Variants in NUP210 observed in about 807,000 individuals in gnomAD.
NUP210 encodes the protein nuclear pore membrane glycoprotein 210.
In NUP210, 151 loss-of-function variants were observed where a neutral mutation model predicts 196.0. The observed-to-expected ratio is 0.77, with a 90% CI of 0.67 to 0.88. The LOEUF (loss-of-function observed/expected upper bound fraction) is 0.88. Among genes scored for constraint, NUP210 ranks in the 40% least tolerant of loss-of-function variants. The probability of loss-of-function intolerance (pLI) is 0.00; values close to 1 mark genes in which losing one functional copy is unlikely to be tolerated. For missense variants in NUP210, 2,314 were observed against 2,493.7 expected, an observed-to-expected ratio of 0.93 and a Z score of 1.53; for synonymous variants, 1,070 against 1,052.7, an observed-to-expected ratio of 1.02 and a Z score of -0.32.
At chr3:13,341,222 C>T (rs1382517423) in intron 23 of NUP210, 5 of 153,742 alleles carry the variant, frequency 3.3e-5, no homozygotes, top group African/African-American at 9.6e-5. Context: ...CGAGACAGCC[C>T]CATACCACAC....
intron 33 of NUP210, 104 bp downstream of exon 33, chr3:13,325,691 G>C: frequency 1.4e-6 from 2 of 1,398,060 alleles, no homozygotes; most frequent in Non-Finnish European, 2.0e-6. Flanking sequence ...CAACCCCTCA[G>C]ACGGCTTTTC....
In NUP210 at chr3:13,353,638, G is replaced by A. The variant is rs374693661; in HGVS notation, c.2544C>T (p.His848=). ...TGATGGCTGTGGTTCCTGATGCCTCGTGAACCAAAATGGCCTGCAAACCTG... is the reference window on the plus strand; with the variant it reads ...TGATGGCTGTGGTTCCTGATGCCTCATGAACCAAAATGGCCTGCAAACCTG... ...KLHGLQAILV[H]EASGTTAITA... is the part of the protein sequence containing the mutation. Residue 848 remains histidine (H), a synonymous_variant, in exon 18 of 40, where the codon CAC becomes CAT. Coordinates refer to ENST00000254508, the MANE Select transcript of NUP210 (RefSeq NM_024923.4). 168 of 1,613,884 alleles carry A rather than the reference G, an allele frequency of 1.0e-4. No individual in the cohort carries two copies. The highest frequency in any genetic ancestry group is 1.3e-4 in the Non-Finnish European group (159 of 1,179,944).
chr3:13,411,312 C>T (rs933554775), intron 1 of NUP210, among the ~76,000 whole-genome samples: 2 of 152,136 alleles, frequency 1.3e-5, no homozygotes, highest in Non-Finnish European at 2.9e-5. Context: ...AGAAGGGTGG[C>T]GCATTTCCCC....
At chr3:13,393,873 C>T (rs891896936) in intron 3 of NUP210, among the ~76,000 whole-genome samples, 11 of 152,194 alleles carry the variant, frequency 7.2e-5, no homozygotes, top group African/African-American at 2.7e-4. Flanking sequence ...AGAGGATCTA[C>T]CTCCCCTGTC....
chr3:13,371,703 GCCATTCCT>G (rs1698736706), intron 13 of NUP210, 123 bp downstream of exon 13: 4 of 804,760 alleles, frequency 5.0e-6, no homozygotes, highest in Non-Finnish European at 8.1e-6. Flanking sequence ...GGAGACAACT[GCCATTCCT>G]TATGTTGCAG....
intron 25 of NUP210, among the ~76,000 whole-genome samples, chr3:13,339,211 G>A (rs927568949): frequency 2.0e-5 from 3 of 152,182 alleles, no homozygotes; most frequent in East Asian, 1.9e-4. Context: ...CCTCTAGGGC[G>A]GTGCACTTGC....
chr3:13,357,515 T>C (rs527896314), intron 16 of NUP210, among the ~76,000 whole-genome samples: 3 of 152,182 alleles, frequency 2.0e-5, no homozygotes, highest in Non-Finnish European at 4.4e-5. Flanking sequence ...ACATGCTCCA[T>C]AAGTACATGC....
intron 6 of NUP210, among the ~76,000 whole-genome samples, chr3:13,384,313 CAGAGGG>C (rs1396643165): frequency 2.6e-5 from 4 of 152,196 alleles, no homozygotes; most frequent in African/African-American, 7.2e-5. Context: ...GGAGAAGCGG[CAGAGGG>C]AAATTCCAAT....
intron 1 of NUP210, among the ~76,000 whole-genome samples, chr3:13,412,231 C>CTTTTTTTTTTTTT (rs71066953): frequency 1.9e-5 from 2 of 104,790 alleles, no homozygotes; most frequent in African/African-American, 1.0e-4. Context: ...TTTTCCTTTT[C>CTTTTTTTTTTTTT]TTTTTTTTTT....
intron 20 of NUP210, chr3:13,346,973 G>A: frequency 1.0e-6 from 1 of 981,666 alleles, no homozygotes; most frequent in Non-Finnish European, 1.2e-6. Context: ...CCAAGGGCGA[G>A]GACTGGGGAC....
At chr3:13,338,477 C>A (rs981086145) in intron 25 of NUP210, among the ~76,000 whole-genome samples, 27 of 152,240 alleles carry the variant, frequency 1.8e-4, no homozygotes, top group African/African-American at 6.5e-4. Context: ...CTTAGACTCT[C>A]TGACGTGCTC....
intron 20 of NUP210, among the ~76,000 whole-genome samples, chr3:13,346,842 C>T (rs540528621): frequency 1.2e-4 from 19 of 152,200 alleles, no homozygotes; most frequent in Non-Finnish European, 2.4e-4. Flanking sequence ...CCTGATTACC[C>T]GCCCTCAAGG....
intron 36 of NUP210, among the ~76,000 whole-genome samples, chr3:13,320,441 G>A (rs1385263640): frequency 6.6e-6 from 1 of 152,064 alleles, no homozygotes; most frequent in Non-Finnish European, 1.5e-5. Context: ...AGACCAGCCT[G>A]GCTAACACGG....
intron 11 of NUP210, 70 bp downstream of exon 11, chr3:13,375,428 TAATAGA>T (rs1698866775): frequency 7.1e-7 from 1 of 1,407,918 alleles, no homozygotes; most frequent in African/African-American, 1.4e-5. Flanking sequence ...ATACTAAAAG[TAATAGA>T]ATGGACAAAA....
chr3:13,406,488 G>A (rs1384573469), intron 1 of NUP210, among the ~76,000 whole-genome samples: 6 of 152,184 alleles, frequency 3.9e-5, no homozygotes, highest in Non-Finnish European at 7.3e-5. Context: ...ACCGGGTCTG[G>A]AGACACAGCA....
intron 20 of NUP210, among the ~76,000 whole-genome samples, chr3:13,346,193 C>T (rs2280088): frequency 0.034 from 5,191 of 152,322 alleles, 123 homozygotes; most frequent in Middle Eastern, 0.075. Flanking sequence ...GGCTGGTGCA[C>T]AGCAGCTAAA....
At chr3:13,321,875 C>A in intron 35 of NUP210, 40 bp from the exon 36 acceptor site, 1 of 1,584,470 alleles carries the variant, frequency 6.3e-7, no homozygotes, top group Non-Finnish European at 8.6e-7. Flanking sequence ...CCCTCTCCTG[C>A]CCGTGCACTG....
intron 1 of NUP210, among the ~76,000 whole-genome samples, chr3:13,417,005 A>G (rs542277558): frequency 1.3e-5 from 2 of 152,360 alleles, no homozygotes; most frequent in African/African-American, 4.8e-5. Context: ...AATGTAATAT[A>G]CTTTATGGAA....
intron 2 of NUP210, among the ~76,000 whole-genome samples, chr3:13,398,284 A>G (rs1013483710): frequency 6.6e-6 from 1 of 152,212 alleles, no homozygotes. Flanking sequence ...TATTAAAAAT[A>G]CAAGAAAAAT....
Sources: gnomAD v4.1 joint callset for allele counts (sites outside exome capture counted in the v4.1 genomes callset) on GRCh38, gnomAD v4.1.1 for gene constraint, MANE v1.5 for transcripts, NCBI Gene and HGNC (gene_info 2026-07-23, HGNC 2026-07-21) for gene names.